The following RBFOX1 variants were observed in gnomAD, a reference collection of about 807,000 sequenced individuals.
The protein encoded by RBFOX1 is RNA binding protein fox-1 homolog 1.
Under a neutral mutation model 57.7 loss-of-function variants are expected in RBFOX1, and 8 were observed. The observed-to-expected ratio is 0.14, with a 90% CI of 0.08 to 0.25. RBFOX1 has a LOEUF of 0.25. Ranked by LOEUF, RBFOX1 falls within the 10% of genes least tolerant of loss-of-function variation. RBFOX1 has a pLI of 1.00. For missense variants in RBFOX1, 611 were observed against 548.5 expected (o/e 1.11, Z -1.14); for synonymous variants, 326 against 222.4 (o/e 1.47, Z -4.15).
intron 4 of RBFOX1, among the ~76,000 whole-genome samples, chr16:6,007,368 G>A (rs911716785): frequency 6.6e-6 from 1 of 152,198 alleles, no homozygotes; most frequent in Non-Finnish European, 1.5e-5. Context: ...CACTGAGGGT[G>A]ACCAGTAGCC....
intron 3 of RBFOX1, among the ~76,000 whole-genome samples, chr16:5,856,583 A>G (rs1240124250): frequency 0.013 from 907 of 70,844 alleles, 87 homozygotes; most frequent in Non-Finnish European, 0.022. Flanking sequence ...GTGTATATAT[A>G]TATATATATA....
intron 3 of RBFOX1, among the ~76,000 whole-genome samples, chr16:6,976,499 C>T (rs2086885915): frequency 6.6e-6 from 1 of 151,980 alleles, no homozygotes; most frequent in African/African-American, 2.4e-5. Flanking sequence ...TTTTAGATCT[C>T]ACACCAGAAA....
chr16:6,883,637 C>G (rs1427695799), intron 3 of RBFOX1, among the ~76,000 whole-genome samples: 2 of 152,178 alleles, frequency 1.3e-5, no homozygotes, highest in African/African-American at 2.4e-5. Context: ...CTTTTCAAAG[C>G]TAGATTTCTA....
At chr16:7,535,550 C>G (rs907822320) in intron 5 of RBFOX1, among the ~76,000 whole-genome samples, 1 of 152,336 alleles carries the variant, frequency 6.6e-6, no homozygotes, top group African/African-American at 2.4e-5. Context: ...ATTGTGAAGT[C>G]TTTTCCACTG....
chr16:7,370,955 C>T (rs932050846), intron 4 of RBFOX1, among the ~76,000 whole-genome samples: 2 of 152,162 alleles, frequency 1.3e-5, no homozygotes, highest in Non-Finnish European at 2.9e-5. Flanking sequence ...ATGGTGACCC[C>T]AGAAGCAAAG....
rs552086809 is a variant in RBFOX1, at chr16:7,029,244, A to G, written c.-15-22813A>G. 1.0e-3 allele frequency among the ~76,000 whole-genome samples: 62 copies of G among 61,400 alleles called. 1 individual carries two copies. The highest frequency in any genetic ancestry group is 5.1e-3 in the East Asian group (9 of 1,748). The allele number at this position is 61,400 out of a possible 152,430, so 40.3% of individuals were successfully genotyped here. A position where few individuals can be genotyped will look rare whatever the true frequency, so the allele number is the denominator to read the frequency against. On this transcript the variant is annotated intron_variant, in intron 3 of 15. Transcript: ENST00000550418. ...TACACACATATATATACGTATACGT[A>G]TATATATACACACATATATATACGT...
At chr16:6,627,206 G>A (rs536524905) in intron 2 of RBFOX1, among the ~76,000 whole-genome samples, 9 of 152,304 alleles carry the variant, frequency 5.9e-5, no homozygotes, top group African/African-American at 1.9e-4. Flanking sequence ...GAGTAGTTTG[G>A]AGGATATTGG....
intron 1 of RBFOX1, among the ~76,000 whole-genome samples, chr16:5,272,242 C>T (rs2063029777): frequency 6.6e-6 from 1 of 152,170 alleles, no homozygotes; most frequent in Admixed American, 6.5e-5. Context: ...TAAAAATTTT[C>T]AGTAAATTAG....
chr16:7,446,304 G>T (rs552066799), intron 4 of RBFOX1, among the ~76,000 whole-genome samples: 4 of 152,192 alleles, frequency 2.6e-5, no homozygotes, highest in African/African-American at 9.7e-5. Flanking sequence ...ACTTGAGTTT[G>T]TAATCTCAGG....
intron 14 of RBFOX1, among the ~76,000 whole-genome samples, chr16:7,693,536 A>G (rs1234143614): frequency 6.6e-6 from 1 of 151,386 alleles, no homozygotes; most frequent in African/African-American, 2.4e-5. Flanking sequence ...AGGCTCTGCC[A>G]TATAAGACGA....
intron 1 of RBFOX1, among the ~76,000 whole-genome samples, chr16:6,233,144 C>A (rs1261648518): frequency 6.6e-6 from 1 of 152,020 alleles, no homozygotes; most frequent in Admixed American, 6.6e-5. Context: ...GGGTATGAGC[C>A]CGATCACAAA....
intron 1 of RBFOX1, among the ~76,000 whole-genome samples, chr16:5,457,532 C>G (rs1271579190): frequency 6.6e-6 from 1 of 152,202 alleles, no homozygotes; most frequent in Non-Finnish European, 1.5e-5. Flanking sequence ...AAGAGCATCA[C>G]ATTGAGGATT....
At chr16:5,658,274 A>G (rs2049520771) in intron 3 of RBFOX1, among the ~76,000 whole-genome samples, 1 of 152,168 alleles carries the variant, frequency 6.6e-6, no homozygotes, top group Non-Finnish European at 1.5e-5. Context: ...GACTGGAGAC[A>G]TCAGGATTGG....
At chr16:5,771,621 C>G (rs1016367634) in intron 3 of RBFOX1, among the ~76,000 whole-genome samples, 2 of 152,102 alleles carry the variant, frequency 1.3e-5, no homozygotes, top group Non-Finnish European at 2.9e-5. Context: ...GCTGCCCAGG[C>G]TGGTCTTGAA....
In RBFOX1 at chr16:7,518,269, A is replaced by AGAGTACACAGGCCAGACCACGGTTCCC; in HGVS notation, c.154_180dup (p.Tyr52_Glu60dup). On this transcript the variant is annotated inframe_insertion, in exon 5 of 16. Coordinates refer to ENST00000550418, the MANE Select transcript of RBFOX1 (RefSeq NM_018723.4). ...CGGCCCCTCATCCCCACCCCGCGCC[A>AGAGTACACAGGCCAGACCACGGTTCCC]GAGTACACAGGCCAGACCACGGTTC... The AGAGTACACAGGCCAGACCACGGTTCCC allele has an allele frequency of 1.2e-6, 2 of 1,614,052 alleles. No homozygotes were observed. The highest frequency in any genetic ancestry group is 1.7e-6 in the Non-Finnish European group (2 of 1,179,992).
In RBFOX1 at chr16:6,019,200, C is replaced by A; in HGVS notation, c.-919C>A. On this transcript the variant is annotated 5_prime_UTR_variant, in exon 1 of 16. Transcript: ENST00000550418. The surrounding 1 kb of genome is among the most constrained non-coding windows in gnomAD (Gnocchi z 4.2). ...AGATTTCCTCTTTATTCTCTCCCGC[C>A]CTCCTACAAGCGCTCTTGCTGGCCG... 1 of 985,288 alleles carries A rather than the reference C, an allele frequency of 1.0e-6. No individual in the cohort carries two copies. Among genetic ancestry groups the A allele is most frequent in the Non-Finnish European group, 1.2e-6 (1 of 829,968 alleles). 61.0% of individuals were successfully genotyped at this position (985,288 alleles called of 1,614,324 possible). A position where few individuals can be genotyped will look rare whatever the true frequency, so the allele number is the denominator to read the frequency against.
chr16:6,137,009 C>G (rs1162565644), intron 1 of RBFOX1, among the ~76,000 whole-genome samples: 1 of 152,184 alleles, frequency 6.6e-6, no homozygotes, highest in Admixed American at 6.5e-5. Context: ...CCCTCCACCG[C>G]TGGAAACTCC....
At chr16:6,233,314 C>T (rs2097480101) in intron 1 of RBFOX1, among the ~76,000 whole-genome samples, 1 of 152,074 alleles carries the variant, frequency 6.6e-6, no homozygotes. Context: ...GGTGAGGTTT[C>T]TGTTAATTCC....
intron 2 of RBFOX1, chr16:6,574,020 G>C (rs1041496668): frequency 1.7e-4 from 26 of 152,334 alleles, no homozygotes; most frequent in African/African-American, 6.3e-4. Flanking sequence ...CAGCTTCACT[G>C]TCACCCAGAC....
Sources: allele counts gnomAD v4.1 joint callset (sites outside exome capture counted in the v4.1 genomes callset), GRCh38; gene constraint gnomAD v4.1.1; non-coding constraint Gnocchi (gnomAD v3.1); transcripts MANE v1.5; gene names NCBI Gene and HGNC (gene_info 2026-07-23, HGNC 2026-07-21).